The following SV2C variants were observed in gnomAD, a reference collection of about 807,000 sequenced individuals.
SV2C encodes solute carrier family 22 member B3.
Under a neutral mutation model 79.7 loss-of-function variants are expected in SV2C, and 49 were observed. That is an observed-to-expected ratio of 0.61 (90% CI 0.49 to 0.78). SV2C has a LOEUF of 0.78. SV2C is among the 30% of genes least tolerant of loss of function. The pLI is 0.00. For synonymous variants in SV2C, 334 were observed against 333.2 expected, an observed-to-expected ratio of 1.00 and a Z score of -0.03; for missense variants, 833 against 912.9, an observed-to-expected ratio of 0.91 and a Z score of 1.13.
At chr5:75,865,653 A>G in the SV2C span, among the ~76,000 whole-genome samples, 10 of 152,224 alleles carry the variant, frequency 6.6e-5, no homozygotes, top group African/African-American at 2.2e-4. Flanking sequence ...CCAACTGTTC[A>G]GGAGCCTAGG....
chr5:75,897,759 A>G, the SV2C span, among the ~76,000 whole-genome samples: 1 of 152,086 alleles, frequency 6.6e-6, no homozygotes. Flanking sequence ...AGTGGTTTGT[A>G]GTTCTCCTTG....
chr5:75,895,771 T>A, the SV2C span, among the ~76,000 whole-genome samples: 2,673 of 152,196 alleles, frequency 0.018, 72 homozygotes, highest in African/African-American at 0.059. Flanking sequence ...GAAGGTGACC[T>A]TTTCTGGATT....
chr5:76,014,472 C>A, the SV2C span, among the ~76,000 whole-genome samples: 3 of 152,144 alleles, frequency 2.0e-5, no homozygotes, highest in Non-Finnish European at 4.4e-5. Context: ...AAAAAAAATT[C>A]TGTTTTCAGA....
At chr5:76,314,614 A>AACTT (rs1318973688) in intron 12 of SV2C, among the ~76,000 whole-genome samples, 1 of 152,116 alleles carries the variant, frequency 6.6e-6, no homozygotes, top group African/African-American at 2.4e-5. Context: ...AAATGATCTC[A>AACTT]ACTTATTTAA....
chr5:76,294,938 G>T (rs1015734466), intron 8 of SV2C, among the ~76,000 whole-genome samples: 1 of 152,160 alleles, frequency 6.6e-6, no homozygotes, highest in Non-Finnish European at 1.5e-5. Flanking sequence ...TAGGAACCAA[G>T]AAAGATTCCC....
chr5:75,984,136 A>C, the SV2C span, among the ~76,000 whole-genome samples: 1 of 152,104 alleles, frequency 6.6e-6, no homozygotes, highest in Non-Finnish European at 1.5e-5. Flanking sequence ...AATAAATGCA[A>C]AATGGATGGA....
chr5:75,909,477 C>T, the SV2C span, among the ~76,000 whole-genome samples: 1,011 of 152,266 alleles, frequency 6.6e-3, 3 homozygotes, highest in African/African-American at 9.7e-3. Context: ...GTAGGAGTGC[C>T]AGGACTGGAA....
the SV2C span, among the ~76,000 whole-genome samples, chr5:75,991,014 C>T: frequency 2.6e-5 from 4 of 152,006 alleles, no homozygotes; most frequent in South Asian, 8.3e-4. Context: ...GAGCCAGCCT[C>T]CTCATAAATG....
At chr5:76,342,781 T>C (rs1344749302) in intron 12 of SV2C, among the ~76,000 whole-genome samples, 1 of 152,222 alleles carries the variant, frequency 6.6e-6, no homozygotes, top group Non-Finnish European at 1.5e-5. Flanking sequence ...GATTGAATAA[T>C]ATAATCCAAG....
chr5:75,986,500 C>T, the SV2C span, among the ~76,000 whole-genome samples: 1 of 151,842 alleles, frequency 6.6e-6, no homozygotes, highest in South Asian at 2.1e-4. Context: ...TGACATTAGC[C>T]CAGTGAAATT....
chr5:76,180,230 C>A (rs1743677856), intron 2 of SV2C, among the ~76,000 whole-genome samples: 1 of 152,100 alleles, frequency 6.6e-6, no homozygotes, highest in Non-Finnish European at 1.5e-5. Context: ...ATACCAGTTC[C>A]TTTTAGATTT....
chr5:76,203,033 C>T (rs1561262596), intron 3 of SV2C, among the ~76,000 whole-genome samples: 1 of 152,172 alleles, frequency 6.6e-6, no homozygotes, highest in Non-Finnish European at 1.5e-5. Flanking sequence ...CTGTCTTAGG[C>T]AATGCTTTTT....
chr5:75,920,095 T>C, the SV2C span, among the ~76,000 whole-genome samples: 1 of 152,226 alleles, frequency 6.6e-6, no homozygotes, highest in Non-Finnish European at 1.5e-5. Flanking sequence ...AGGAATTGAC[T>C]ACGTCACTTT....
chr5:76,318,328 G>T (rs1012634176), intron 12 of SV2C, among the ~76,000 whole-genome samples: 1 of 152,054 alleles, frequency 6.6e-6, no homozygotes, highest in Non-Finnish European at 1.5e-5. Flanking sequence ...TGAGGCAAGA[G>T]AATCATTTGA....
intron 1 of SV2C, among the ~76,000 whole-genome samples, chr5:76,129,238 TA>T (rs1748803983): frequency 6.6e-6 from 1 of 152,206 alleles, no homozygotes; most frequent in Non-Finnish European, 1.5e-5. Flanking sequence ...TAATTTTATA[TA>T]GCATTTTTGA....
chr5:76,351,589 G>A (rs1580095406), intron 12 of SV2C, among the ~76,000 whole-genome samples: 1 of 152,318 alleles, frequency 6.6e-6, no homozygotes, highest in South Asian at 2.1e-4. Context: ...AAAGGTATGG[G>A]AACTGTCTCA....
At chr5:76,047,089 T>C in the SV2C span, among the ~76,000 whole-genome samples, 1 of 152,256 alleles carries the variant, frequency 6.6e-6, no homozygotes, top group African/African-American at 2.4e-5. Flanking sequence ...GGCTTTCTTT[T>C]TGTATGCTTT....
chr5:75,892,245 T>C, the SV2C span, among the ~76,000 whole-genome samples: 12 of 152,020 alleles, frequency 7.9e-5, no homozygotes, highest in African/African-American at 2.4e-4. Context: ...CTACCCTATT[T>C]TTTTAATAAA....
At chr5:76,011,592 C>T in the SV2C span, among the ~76,000 whole-genome samples, 1 of 151,940 alleles carries the variant, frequency 6.6e-6, no homozygotes, top group Non-Finnish European at 1.5e-5. Context: ...CTAACCTATA[C>T]TTTTCCTGTT....
Sources: allele counts gnomAD v4.1 joint callset (sites outside exome capture counted in the v4.1 genomes callset), GRCh38; gene constraint gnomAD v4.1.1; transcripts MANE v1.5; gene names NCBI Gene and HGNC (gene_info 2026-07-23, HGNC 2026-07-21).